Variants in LAMA2 observed in about 807,000 individuals in gnomAD.
LAMA2 encodes the protein laminin subunit alpha 2, also known as laminin subunit alpha-2.
LAMA2 carries 269 observed loss-of-function variants against 364.8 expected under a neutral mutation model. The observed-to-expected ratio is 0.74, with a 90% CI of 0.67 to 0.82. The LOEUF is 0.82. Among genes scored for constraint, LAMA2 ranks in the 40% least tolerant of loss-of-function variants. The probability of loss-of-function intolerance (pLI) is 0.00; values close to 1 mark genes in which losing one functional copy is unlikely to be tolerated. For synonymous variants in LAMA2, 1,379 were observed against 1,370.6 expected (o/e 1.01, Z -0.14); for missense variants, 3,807 against 3,873.2 (o/e 0.98, Z 0.45).
rs368316367 is a variant in LAMA2 at position 129,427,818 on chromosome 6, C to T, written c.5932C>T (p.Leu1978Phe). ...CTGTCTTCAGAAAAGCTTCAGGATT[C>T]TTAACGAAGCCAAGAAGTTAGCAAA... ...KGCLQKSFRI[L>F]NEAKKLANDV... The change falls in exon 41 of 65, where the codon CTT (leucine) becomes TTT (phenylalanine). Residue 1978 changes from leucine (L) to phenylalanine (F), a missense_variant. Leu to Phe is a conservative substitution (Grantham distance 22, BLOSUM62 0). This residue lies in a region of LAMA2 where 3,333 missense variants were observed against 3,345.7 expected (regional missense o/e 1.00). Coordinates refer to ENST00000421865, the MANE Select transcript of LAMA2 (RefSeq NM_000426.4). 1.2e-6 allele frequency: 2 copies of T among 1,613,658 alleles called. No individual in the cohort carries two copies. Among genetic ancestry groups the T allele is most frequent in the Non-Finnish European group, 1.7e-6 (2 of 1,179,678 alleles).
chr6:129,453,650 T>G (rs1452402220), intron 46 of LAMA2, among the ~76,000 whole-genome samples: 1 of 152,184 alleles, frequency 6.6e-6, no homozygotes, highest in Non-Finnish European at 1.5e-5. Flanking sequence ...CCATTTGAAC[T>G]ATTTGACTTT....
chr6:129,004,406 T>TAAAAAAAAAAAAA (rs61244248), intron 1 of LAMA2, among the ~76,000 whole-genome samples: 1 of 53,816 alleles, frequency 1.9e-5, no homozygotes, highest in Non-Finnish European at 3.2e-5. Context: ...AGTATAATAA[T>TAAAAAAAAAAAAA]AAAAAAAAAA....
chr6:129,424,877 G>A (rs1583715327), intron 40 of LAMA2, among the ~76,000 whole-genome samples: 1 of 146,596 alleles, frequency 6.8e-6, no homozygotes, highest in Non-Finnish European at 1.5e-5. Flanking sequence ...GATAAATGAT[G>A]GCATATGTTC....
At chr6:129,176,261 TG>T (rs1426835024) in intron 9 of LAMA2, among the ~76,000 whole-genome samples, 3 of 152,018 alleles carry the variant, frequency 2.0e-5, no homozygotes, top group African/African-American at 7.2e-5. Flanking sequence ...TCTCTCATCA[TG>T]TTTGATATTC....
intron 51 of LAMA2, among the ~76,000 whole-genome samples, chr6:129,469,932 T>A (rs1009103468): frequency 2.0e-5 from 3 of 151,814 alleles, no homozygotes; most frequent in Non-Finnish European, 2.9e-5. Context: ...GGATGCTACT[T>A]GTGAATGGTA....
chr6:128,990,624 A>C (rs1783552763), intron 1 of LAMA2, among the ~76,000 whole-genome samples: 1 of 152,176 alleles, frequency 6.6e-6, no homozygotes, highest in Non-Finnish European at 1.5e-5. Flanking sequence ...CCTTAAGCCA[A>C]GTACATGTTA....
intron 1 of LAMA2, among the ~76,000 whole-genome samples, chr6:128,891,984 C>T (rs916562125): frequency 7.9e-5 from 12 of 151,986 alleles, no homozygotes; most frequent in Admixed American, 3.9e-4. Flanking sequence ...CCTGAGTCAA[C>T]GGAGTTAAAT....
At chr6:129,380,144 A>G (rs975204976) in intron 34 of LAMA2, among the ~76,000 whole-genome samples, 2 of 152,230 alleles carry the variant, frequency 1.3e-5, no homozygotes, top group African/African-American at 4.8e-5. Flanking sequence ...AAAAGAGAGC[A>G]TGTGCTAGAA....
Position 129,478,633 on chromosome 6 carries a change from A to C in LAMA2, c.7452-60A>C, listed in dbSNP as rs756835582. 9.5e-6 allele frequency: 15 copies of C among 1,583,516 alleles called. 1 individual carries two copies. In the South Asian group the frequency reaches 1.5e-4, roughly 16 times the overall value. On this transcript the variant is annotated intron_variant, in intron 53 of 64. Coordinates refer to ENST00000421865, the MANE Select transcript of LAMA2 (RefSeq NM_000426.4). ...CACAAGGCTTCCTTCCCATAGTCAG[A>C]GACTACACTACCATCACCCTAATGA...
intron 1 of LAMA2, among the ~76,000 whole-genome samples, chr6:128,886,524 G>A (rs1776157416): frequency 6.6e-6 from 1 of 152,048 alleles, no homozygotes; most frequent in Admixed American, 6.6e-5. Flanking sequence ...TTGACAAATG[G>A]GTGTAGATGC....
At chr6:129,442,975 A>T in intron 43 of LAMA2, 88 bp from the exon 44 acceptor site, 1 of 931,216 alleles carries the variant, frequency 1.1e-6, no homozygotes, top group Non-Finnish European at 1.7e-6. Context: ...TACCATTTTT[A>T]GTCACTACTT....
At chr6:129,149,181 T>C in intron 7 of LAMA2, 85 bp downstream of exon 7, 1 of 843,574 alleles carries the variant, frequency 1.2e-6, no homozygotes, top group Middle Eastern at 2.3e-4. Context: ...AAATGGCTGG[T>C]TATGCAAATG....
intron 44 of LAMA2, among the ~76,000 whole-genome samples, chr6:129,445,166 G>A (rs1782304963): frequency 6.6e-6 from 1 of 152,034 alleles, no homozygotes; most frequent in Admixed American, 6.6e-5. Context: ...ACATCAAAAT[G>A]TTCTTCAAAA....
chr6:129,221,930 G>C (rs570305076), intron 12 of LAMA2, among the ~76,000 whole-genome samples: 1 of 152,314 alleles, frequency 6.6e-6, no homozygotes, highest in African/African-American at 2.4e-5. Flanking sequence ...ATGATGCTTA[G>C]TGATAGGTTC....
intron 58 of LAMA2, among the ~76,000 whole-genome samples, chr6:129,501,353 G>A (rs1444238435): frequency 2.6e-5 from 4 of 152,080 alleles, no homozygotes; most frequent in East Asian, 1.9e-4. Flanking sequence ...TGTGAATTTC[G>A]GCCACAGTCT....
At chr6:129,223,099 A>G (rs986861666) in intron 12 of LAMA2, among the ~76,000 whole-genome samples, 1 of 152,144 alleles carries the variant, frequency 6.6e-6, no homozygotes, top group Non-Finnish European at 1.5e-5. Flanking sequence ...GCCAGTGATG[A>G]TGAGCATTTT....
chr6:129,280,154 G>GTA lies in LAMA2; in HGVS notation c.2537+10_2537+11dup. Reference sequence around the variant, plus strand: ...CAGGACCACGCTGTGAGAGGTAAGAGTATACTACACTGTCTTGCAAAATGA... The same window carrying GTA: ...CAGGACCACGCTGTGAGAGGTAAGAGTATATACTACACTGTCTTGCAAAATGA... On this transcript the variant is annotated splice_region_variant and intron_variant, in intron 18 of 64. Transcript: ENST00000421865. 1 of 1,559,892 alleles carries GTA rather than the reference G, an allele frequency of 6.4e-7. No homozygotes were observed. Among genetic ancestry groups the GTA allele is most frequent in the South Asian group, 1.1e-5 (1 of 89,954 alleles).
At chr6:129,014,131 A>G (rs1346730946) in intron 1 of LAMA2, among the ~76,000 whole-genome samples, 3 of 152,172 alleles carry the variant, frequency 2.0e-5, no homozygotes, top group African/African-American at 4.8e-5. Flanking sequence ...AAGATTTTTC[A>G]TGGAGGGAAG....
At chr6:129,329,091 C>T (rs1775471400) in intron 29 of LAMA2, among the ~76,000 whole-genome samples, 2 of 152,214 alleles carry the variant, frequency 1.3e-5, no homozygotes, top group South Asian at 4.2e-4. Flanking sequence ...TTATCGTAGT[C>T]ACTGTAAGAA....
Sources: allele counts gnomAD v4.1 joint callset (sites outside exome capture counted in the v4.1 genomes callset), GRCh38; gene constraint gnomAD v4.1.1; regional missense constraint gnomAD v4.1.1; transcripts MANE v1.5; gene names NCBI Gene and HGNC (gene_info 2026-07-23, HGNC 2026-07-21).